The following NXPH1 variants were observed in gnomAD, a reference collection of about 807,000 sequenced individuals.
NXPH1 encodes neurexophilin-1.
NXPH1 carries 5 observed loss-of-function variants against 23.7 expected under a neutral mutation model. The observed-to-expected ratio is 0.21, with a 90% confidence interval of 0.11 to 0.44. The LOEUF is 0.44. NXPH1 is among the 20% of genes least tolerant of loss of function. The pLI is 0.99. For synonymous variants in NXPH1, 144 were observed against 122.2 expected (o/e 1.18, Z -1.18); for missense variants, 324 against 321.6 (o/e 1.01, Z -0.06).
At position 8,574,151 on chromosome 7, in the gene NXPH1, C is replaced by G. The variant is rs146790150; in HGVS notation, c.54+138384C>G. On this transcript the variant is annotated intron_variant, in intron 2 of 2. Transcript: ENST00000405863. ...ACATATTGTCTATTTAAAATCTGTACACGGTTTGCACCTTTTCCCTAAGTG... is the reference window on the plus strand; with the variant it reads ...ACATATTGTCTATTTAAAATCTGTAGACGGTTTGCACCTTTTCCCTAAGTG... 5.7e-4 allele frequency among the ~76,000 whole-genome samples: 87 copies of G among 152,250 alleles called. 1 individual carries two copies. Among genetic ancestry groups the G allele is most frequent in the African/African-American group, 2.0e-3 (84 of 41,540 alleles).
intron 2 of NXPH1, among the ~76,000 whole-genome samples, chr7:8,635,790 T>C (rs1001212013): frequency 6.6e-6 from 1 of 152,252 alleles, no homozygotes; most frequent in African/African-American, 2.4e-5. Context: ...TTTTTTCTTT[T>C]TTTGACAATT....
intron 2 of NXPH1, among the ~76,000 whole-genome samples, chr7:8,683,324 T>C (rs756169592): frequency 6.6e-6 from 1 of 152,176 alleles, no homozygotes; most frequent in Non-Finnish European, 1.5e-5. Context: ...GAGATGACAT[T>C]TCAATACGAG....
intron 2 of NXPH1, among the ~76,000 whole-genome samples, chr7:8,469,722 C>G (rs1463697274): frequency 1.3e-5 from 2 of 152,068 alleles, no homozygotes; most frequent in African/African-American, 2.4e-5. Flanking sequence ...GGGTAAAATA[C>G]ACACTATTAC....
At chr7:8,459,708 G>A (rs1461251645) in intron 2 of NXPH1, among the ~76,000 whole-genome samples, 1 of 152,144 alleles carries the variant, frequency 6.6e-6, no homozygotes, top group Non-Finnish European at 1.5e-5. Context: ...CATTGAAATG[G>A]AATGGAAAGG....
At chr7:8,617,801 G>A (rs1819778092) in intron 2 of NXPH1, among the ~76,000 whole-genome samples, 2 of 152,088 alleles carry the variant, frequency 1.3e-5, no homozygotes, top group Non-Finnish European at 1.5e-5. Flanking sequence ...GAGTATAATG[G>A]GATTGTTTGT....
At chr7:8,547,725 C>T (rs548886790) in intron 2 of NXPH1, among the ~76,000 whole-genome samples, 1 of 151,490 alleles carries the variant, frequency 6.6e-6, no homozygotes, top group South Asian at 2.1e-4. Flanking sequence ...TTGTTTAGTC[C>T]CCACTTCTAA....
chr7:8,543,774 G>C (rs922833308), intron 2 of NXPH1, among the ~76,000 whole-genome samples: 6 of 151,530 alleles, frequency 4.0e-5, no homozygotes, highest in Non-Finnish European at 5.9e-5. Context: ...TATTGACGTA[G>C]TACAGTTAAA....
chr7:8,465,255 A>G (rs796181971), intron 2 of NXPH1, among the ~76,000 whole-genome samples: 4 of 152,360 alleles, frequency 2.6e-5, no homozygotes, highest in African/African-American at 9.6e-5. Context: ...GCATCTTTAC[A>G]GAAACATTTT....
At chr7:8,726,411 T>C (rs1476710266) in intron 2 of NXPH1, among the ~76,000 whole-genome samples, 2 of 151,750 alleles carry the variant, frequency 1.3e-5, no homozygotes, top group Non-Finnish European at 2.9e-5. Context: ...TGTATACATG[T>C]GCCATGCTGG....
At chr7:8,599,494 G>A (rs1819305795) in intron 2 of NXPH1, among the ~76,000 whole-genome samples, 1 of 151,988 alleles carries the variant, frequency 6.6e-6, no homozygotes, top group African/African-American at 2.4e-5. Context: ...TAGTGTATGA[G>A]GTCTGCCATG....
intron 2 of NXPH1, among the ~76,000 whole-genome samples, chr7:8,737,116 T>A (rs1780273211): frequency 1.3e-5 from 2 of 152,170 alleles, no homozygotes; most frequent in Non-Finnish European, 2.9e-5. Context: ...AATTGGAGCT[T>A]TTAGCCCATT....
chr7:8,710,672 T>C (rs1779777027), intron 2 of NXPH1, among the ~76,000 whole-genome samples: 1 of 104,220 alleles, frequency 9.6e-6, no homozygotes, highest in Non-Finnish European at 1.7e-5. Context: ...TTTTTTTTTT[T>C]TGAGACGGAG....
chr7:8,739,191 A>C (rs917952092), intron 2 of NXPH1, among the ~76,000 whole-genome samples: 16 of 150,410 alleles, frequency 1.1e-4, no homozygotes, highest in Admixed American at 2.0e-4. Context: ...AAAAAAAAAA[A>C]AAAAAAAAAA....
chr7:8,462,070 G>GAT (rs72564385), intron 2 of NXPH1, among the ~76,000 whole-genome samples: 31 of 151,550 alleles, frequency 2.0e-4, no homozygotes, highest in African/African-American at 7.5e-4. Flanking sequence ...TATTTTTTGA[G>GAT]AGAGTCTCAC....
At chr7:8,566,397 G>C (rs1255889784) in intron 2 of NXPH1, among the ~76,000 whole-genome samples, 1 of 151,838 alleles carries the variant, frequency 6.6e-6, no homozygotes, top group African/African-American at 2.4e-5. Flanking sequence ...TAGGAAAGTG[G>C]TAAAGCATTA....
chr7:8,612,981 C>T (rs1819652345), intron 2 of NXPH1, among the ~76,000 whole-genome samples: 1 of 152,036 alleles, frequency 6.6e-6, no homozygotes, highest in African/African-American at 2.4e-5. Context: ...TGCAGACTAA[C>T]TTTCAATTTT....
intron 2 of NXPH1, among the ~76,000 whole-genome samples, chr7:8,616,863 A>C (rs1283369896): frequency 4.0e-5 from 6 of 151,810 alleles, no homozygotes; most frequent in Admixed American, 3.9e-4. Flanking sequence ...TAAAAAAAAA[A>C]AAAACCACTC....
chr7:8,718,811 T>C (rs936852263), intron 2 of NXPH1, among the ~76,000 whole-genome samples: 3 of 152,164 alleles, frequency 2.0e-5, no homozygotes, highest in Admixed American at 2.0e-4. Context: ...GCACATTCAG[T>C]CCTTTTATAT....
At chr7:8,461,747 G>C (rs940341501) in intron 2 of NXPH1, among the ~76,000 whole-genome samples, 1 of 149,362 alleles carries the variant, frequency 6.7e-6, no homozygotes, top group Non-Finnish European at 1.5e-5. Flanking sequence ...GGAGAATGGC[G>C]TGAACCCGGG....
Sources: allele counts gnomAD v4.1 joint callset (sites outside exome capture counted in the v4.1 genomes callset), GRCh38; gene constraint gnomAD v4.1.1; transcripts MANE v1.5; gene names NCBI Gene and HGNC (gene_info 2026-07-23, HGNC 2026-07-21).